Variants in INPP4B observed in about 807,000 individuals in gnomAD.
The protein encoded by INPP4B is inositol polyphosphate-4-phosphatase type II B, also known as inositol polyphosphate 4-phosphatase type II.
In INPP4B, 55 loss-of-function variants were observed where a neutral mutation model predicts 122.5. The ratio of observed to expected loss-of-function variants is 0.45; its 90% CI spans 0.36 to 0.56. The LOEUF is 0.56. Ranked by LOEUF, INPP4B falls within the 20% of genes least tolerant of loss-of-function variation. The probability of loss-of-function intolerance (pLI) is 0.00; values close to 1 mark genes in which losing one functional copy is unlikely to be tolerated. For missense variants in INPP4B, 1,000 were observed against 1,097.7 expected (o/e 0.91, Z 1.26); for synonymous variants, 403 against 388.7 (o/e 1.04, Z -0.43).
intron 5 of INPP4B, among the ~76,000 whole-genome samples, chr4:142,420,495 A>C (rs1007642672): frequency 1.1e-4 from 17 of 152,074 alleles, no homozygotes; most frequent in African/African-American, 4.1e-4. Context: ...GAAAACCACT[A>C]CCCACCCGAC....
chr4:142,149,867 AT>A (rs1273147215), intron 17 of INPP4B, among the ~76,000 whole-genome samples: 2 of 152,250 alleles, frequency 1.3e-5, no homozygotes, highest in African/African-American at 2.4e-5. Context: ...AGATCCATTC[AT>A]GTGACCAGGA....
intron 7 of INPP4B, among the ~76,000 whole-genome samples, chr4:142,363,195 T>C (rs1786118700): frequency 6.6e-6 from 1 of 152,014 alleles, no homozygotes; most frequent in African/African-American, 2.4e-5. Context: ...TACGCACATA[T>C]GTGTGCATAC....
At chr4:142,735,584 G>A (rs911974497) in intron 1 of INPP4B, among the ~76,000 whole-genome samples, 26 of 152,180 alleles carry the variant, frequency 1.7e-4, no homozygotes, top group African/African-American at 5.8e-4. Context: ...CACAGCCATC[G>A]AGCAAAAGTA....
At chr4:142,234,993 G>T (rs1856083912) in intron 12 of INPP4B, among the ~76,000 whole-genome samples, 2 of 152,302 alleles carry the variant, frequency 1.3e-5, no homozygotes, top group South Asian at 4.1e-4. Context: ...CAGTGGCTAT[G>T]CCTACAAAAA....
At chr4:142,411,626 T>C (rs1045448998) in intron 5 of INPP4B, among the ~76,000 whole-genome samples, 3 of 152,208 alleles carry the variant, frequency 2.0e-5, no homozygotes, top group African/African-American at 7.2e-5. Context: ...GCACAGTGGC[T>C]AATGCCTGTA....
At position 142,507,591 on chromosome 4, in the gene INPP4B, C is replaced by G. The variant is rs374282521; in HGVS notation, c.-190-44865G>C. 5.9e-5 allele frequency among the ~76,000 whole-genome samples: 9 copies of G among 152,160 alleles called. No homozygotes were observed. The East Asian group carries it at 1.7e-3, about 29-fold the overall frequency. ...GATAAAAAAAGACACAGCATCTACC[C>G]TATTCCTTTAAACAATTTGCAATTG... is the stretch of plus-strand genomic sequence containing the variant. On this transcript the variant is annotated intron_variant, in intron 2 of 25. Transcript: ENST00000262992.
In INPP4B at chr4:142,208,966, AT is replaced by A; in HGVS notation, c.896del (p.Asn299MetfsTer10). 6.2e-7 allele frequency: 1 copy of A among 1,606,340 alleles called. No homozygotes were observed. ...CCATTTGATCACAGTGAGTAAGGAC[AT>A]TTTTTCGCAGATTGTCCCAATGTGG... ...LSPHWDNLRK[N>X]VLTHCDQMVN... On this transcript the variant is annotated frameshift_variant, in exon 13 of 26. Transcript: ENST00000262992. LOFTEE classifies it high-confidence loss of function.
chr4:142,362,498 T>C (rs1403085634), intron 7 of INPP4B, among the ~76,000 whole-genome samples: 1 of 152,022 alleles, frequency 6.6e-6, no homozygotes, highest in Non-Finnish European at 1.5e-5. Context: ...AAATTATTTA[T>C]GTCCAAATTG....
chr4:142,250,894 T>C (rs965075092), intron 11 of INPP4B, among the ~76,000 whole-genome samples: 7 of 152,174 alleles, frequency 4.6e-5, no homozygotes, highest in African/African-American at 1.4e-4. Context: ...TTAATCATCT[T>C]TCACTCCACA....
chr4:142,813,651 T>C (rs1011676798), intron 1 of INPP4B, among the ~76,000 whole-genome samples: 3 of 152,172 alleles, frequency 2.0e-5, no homozygotes, highest in Admixed American at 6.6e-5. Context: ...GCACATATTA[T>C]AGATCTGAGC....
intron 1 of INPP4B, among the ~76,000 whole-genome samples, chr4:142,844,716 A>G (rs1315526924): frequency 6.6e-6 from 1 of 152,260 alleles, no homozygotes; most frequent in Non-Finnish European, 1.5e-5. Flanking sequence ...ATCATCAGCC[A>G]GCTGCCCTGT....
intron 14 of INPP4B, among the ~76,000 whole-genome samples, chr4:142,199,560 TTCCAC>T (rs1474301176): frequency 1.3e-5 from 2 of 152,060 alleles, no homozygotes; most frequent in East Asian, 3.9e-4. Flanking sequence ...AGGTTGGTTT[TTCCAC>T]TCACACATTT....
chr4:142,622,172 A>G (rs758545908), intron 2 of INPP4B, among the ~76,000 whole-genome samples: 3 of 151,712 alleles, frequency 2.0e-5, no homozygotes, highest in Non-Finnish European at 4.4e-5. Flanking sequence ...ATCTCACTGG[A>G]CTCCCAAAAA....
intron 2 of INPP4B, among the ~76,000 whole-genome samples, chr4:142,473,051 C>T (rs1463953384): frequency 6.6e-6 from 1 of 152,150 alleles, no homozygotes; most frequent in Non-Finnish European, 1.5e-5. Flanking sequence ...TTTAGACTCT[C>T]AACATTTGAT....
At chr4:142,524,358 GT>G (rs1826545279) in intron 2 of INPP4B, among the ~76,000 whole-genome samples, 1 of 152,002 alleles carries the variant, frequency 6.6e-6, no homozygotes, top group Non-Finnish European at 1.5e-5. Flanking sequence ...TCTAACTGGT[GT>G]GAGATGGTAT....
At chr4:142,335,108 G>GAAAAAAA (rs36074851) in intron 7 of INPP4B, among the ~76,000 whole-genome samples, 3,033 of 63,828 alleles carry the variant, frequency 0.048, no homozygotes, top group Non-Finnish European at 0.057. Flanking sequence ...TGGGAAAAAT[G>GAAAAAAA]AAAAAAAAAA....
intron 2 of INPP4B, among the ~76,000 whole-genome samples, chr4:142,702,568 T>C (rs1761938497): frequency 6.6e-6 from 1 of 151,668 alleles, no homozygotes; most frequent in Non-Finnish European, 1.5e-5. Flanking sequence ...TCTACTAAAA[T>C]TGAAATACAA....
chr4:142,579,690 A>T (rs1734586182), intron 2 of INPP4B, among the ~76,000 whole-genome samples: 1 of 151,658 alleles, frequency 6.6e-6, no homozygotes, highest in South Asian at 2.1e-4. Context: ...CATGAATGGA[A>T]ACATGTTTCT....
chr4:142,624,549 G>C (rs1745845439), intron 2 of INPP4B, among the ~76,000 whole-genome samples: 1 of 152,056 alleles, frequency 6.6e-6, no homozygotes. Context: ...TCTATCAGAG[G>C]TACAAGAAGG....
Sources: allele counts gnomAD v4.1 joint callset (sites outside exome capture counted in the v4.1 genomes callset), GRCh38; gene constraint gnomAD v4.1.1; transcripts MANE v1.5; gene names NCBI Gene and HGNC (gene_info 2026-07-23, HGNC 2026-07-21).